The following SATB1 variants were observed in gnomAD, a reference collection of about 807,000 sequenced individuals.
SATB1 encodes the protein SATB homeobox 1.
Under a neutral mutation model 86.9 loss-of-function variants are expected in SATB1, and 11 were observed. The observed-to-expected ratio is 0.13, with a 90% confidence interval of 0.08 to 0.21. The LOEUF (loss-of-function observed/expected upper bound fraction) is 0.21. Ranked by LOEUF, SATB1 falls within the 10% of genes least tolerant of loss-of-function variation. The probability of loss-of-function intolerance (pLI) is 1.00; values close to 1 mark genes in which losing one functional copy is unlikely to be tolerated. For synonymous variants in SATB1, 357 were observed against 357.2 expected (o/e 1.00, Z 0.01); for missense variants, 551 against 937.6 (o/e 0.59, Z 5.39).
At chr3:18,405,095 T>C (rs573318151) in intron 5 of SATB1, among the ~76,000 whole-genome samples, 4 of 152,172 alleles carry the variant, frequency 2.6e-5, no homozygotes, top group Middle Eastern at 3.4e-3. Flanking sequence ...TACGACCCCA[T>C]TGGCATCCTG....
chr3:18,413,746 G>A (rs993608979), intron 5 of SATB1, among the ~76,000 whole-genome samples: 6 of 152,052 alleles, frequency 3.9e-5, no homozygotes, highest in African/African-American at 1.4e-4. Flanking sequence ...TCTCTGAATT[G>A]CAAGAAATGG....
intron 2 of SATB1, among the ~76,000 whole-genome samples, chr3:18,418,215 C>T (rs971654935): frequency 3.3e-5 from 5 of 152,180 alleles, no homozygotes; most frequent in Admixed American, 3.3e-4. Context: ...GTCCTCTGGA[C>T]TCACAGAATC....
In SATB1 at chr3:18,394,528, G is replaced by T; in HGVS notation, c.1140C>A (p.Arg380=). The T allele has an allele frequency of 6.2e-7, 1 of 1,614,128 alleles. No homozygotes were observed. The highest frequency in any genetic ancestry group is 8.5e-7 in the Non-Finnish European group (1 of 1,180,032). ...AGATTCCTGCTCGTTTCAGTTCATC[G>T]CGTACCCACTGGTAGATTTCGGAAG... The part of the protein sequence containing the change: ...EVSSEIYQWV[R]DELKRAGISQ... The change falls in exon 7 of 11, where the codon CGC becomes CGA. Residue 380 remains arginine (R), a synonymous_variant. Coordinates refer to ENST00000338745, the MANE Select transcript of SATB1 (RefSeq NM_002971.6). This position sits in a 1 kb window ranked among gnomAD's most constrained non-coding sequence, Gnocchi z 5.9.
chr3:18,394,927 C>G lies in SATB1; in HGVS notation c.752-11G>C. ...GACTATCCATTTCAACTAAAGTGGACAAAGAGTAAAATCACATTCAGCCAA... is the reference window on the plus strand; with the variant it reads ...GACTATCCATTTCAACTAAAGTGGAGAAAGAGTAAAATCACATTCAGCCAA... On this transcript the variant is annotated splice_polypyrimidine_tract_variant and intron_variant, in intron 6 of 10. Transcript: ENST00000338745. The surrounding 1 kb of genome is among the most constrained non-coding windows in gnomAD (Gnocchi z 5.9). The G allele has an allele frequency of 3.9e-6, 6 of 1,548,338 alleles. No homozygotes were observed. The highest frequency in any genetic ancestry group is 5.2e-6 in the Non-Finnish European group (6 of 1,146,382).
intron 5 of SATB1, among the ~76,000 whole-genome samples, chr3:18,398,016 T>G (rs949699040): frequency 6.6e-6 from 1 of 152,190 alleles, no homozygotes; most frequent in African/African-American, 2.4e-5. Flanking sequence ...AGCTTAAGTT[T>G]TGAATTTCAA....
At position 18,352,202 on chromosome 3, in the gene SATB1, G is replaced by A; in HGVS notation, c.1576-7C>T. The A allele has an allele frequency of 1.2e-6, 2 of 1,613,762 alleles. No homozygotes were observed. The highest frequency in any genetic ancestry group is 1.7e-6 in the Non-Finnish European group (2 of 1,179,768). On this transcript the variant is annotated splice_polypyrimidine_tract_variant and splice_region_variant and intron_variant, in intron 9 of 10. Coordinates refer to ENST00000338745, the MANE Select transcript of SATB1 (RefSeq NM_002971.6). The surrounding 1 kb of genome is among the most constrained non-coding windows in gnomAD (Gnocchi z 4.1). Reference sequence around the variant, plus strand: ...ACAGCTCGCACAACCATCCCTTAGAGACAAGGGCATAATAGGTCAGTTTGT... The same window carrying A: ...ACAGCTCGCACAACCATCCCTTAGAAACAAGGGCATAATAGGTCAGTTTGT...
chr3:18,349,668 T>G lies in SATB1; in HGVS notation c.1794A>C (p.Gln598His). The change falls in exon 11 of 11, where the codon CAA becomes CAC. Residue 598 changes from glutamine to histidine, a missense_variant. This residue lies in a region of SATB1 where 87 missense variants were observed against 103.6 expected (regional missense o/e 0.84). Transcript: ENST00000338745. This position sits in a 1 kb window ranked among gnomAD's most constrained non-coding sequence, Gnocchi z 5.5. ...PAEQIQQQQQQQQQQQQQQQA... is the reference protein window; with the variant it reads ...PAEQIQQQQQHQQQQQQQQQA... ...GCTGCTGCTGCTGCTGCTGTTGCTG[T>G]TGCTGCTGCTGTTGCTGCAAAGAAA... 1 of 1,606,406 alleles carries G rather than the reference T, an allele frequency of 6.2e-7. No individual in the cohort carries two copies. Among genetic ancestry groups the G allele is most frequent in the Non-Finnish European group, 8.5e-7 (1 of 1,176,790 alleles).
rs55782480 is a variant in SATB1 at position 18,415,186 on chromosome 3, T to C, written c.564A>G (p.Thr188=). Residue 188 remains threonine, a synonymous_variant, in exon 5 of 11, where the codon ACA becomes ACG. Coordinates refer to ENST00000338745, the MANE Select transcript of SATB1 (RefSeq NM_002971.6). The part of the protein sequence containing the change: ...DLPPEQWSHT[T]VRNALKDLLK... ...GTAAGTCCTTCAGAGCATTCCTCAC[T>C]GTGGTGTGCGACCATTGTTCGGGAG... 85 of 1,613,056 alleles carry C rather than the reference T, an allele frequency of 5.3e-5. No homozygotes were observed. The highest frequency in any genetic ancestry group is 6.9e-5 in the Non-Finnish European group (81 of 1,179,264).
At chr3:18,413,684 G>A (rs1697980767) in intron 5 of SATB1, among the ~76,000 whole-genome samples, 1 of 152,028 alleles carries the variant, frequency 6.6e-6, no homozygotes, top group African/African-American at 2.4e-5. Flanking sequence ...GGGTGAGAGA[G>A]GGAAGACAGG....
chr3:18,392,843 T>C (rs1696755730), intron 7 of SATB1, among the ~76,000 whole-genome samples: 1 of 152,028 alleles, frequency 6.6e-6, no homozygotes, highest in African/African-American at 2.4e-5. Flanking sequence ...ATAGGTGTCA[T>C]ATTAAGTTCA....
At chr3:18,392,529 C>T (rs1170368772) in intron 7 of SATB1, among the ~76,000 whole-genome samples, 1 of 151,666 alleles carries the variant, frequency 6.6e-6, no homozygotes, top group East Asian at 1.9e-4. Context: ...TTTAAGACAC[C>T]AGTAACTATA....
At position 18,349,640 on chromosome 3, in the gene SATB1, C is replaced by T. The variant is rs1559385752; in HGVS notation, c.1822G>A (p.Ala608Thr). Residue 608 changes from alanine to threonine, a missense_variant, in exon 11 of 11, where the codon GCA (alanine) becomes ACA (threonine). Ala to Thr is a moderately conservative substitution (Grantham distance 58). Around this residue, in one of 8 missense-constraint regions of SATB1, gnomAD observed 87 missense variants for 103.6 expected, o/e 0.84. Coordinates refer to ENST00000338745, the MANE Select transcript of SATB1 (RefSeq NM_002971.6). This position sits in a 1 kb window ranked among gnomAD's most constrained non-coding sequence, Gnocchi z 5.5. ...QQQQQQQQQQ[A>T]PPPPQPQQQP... ...TGCTGTGGCTGTGGAGGCGGCGGTGCCTGCTGCTGCTGCTGCTGCTGTTGC... is the reference window on the plus strand; with the variant it reads ...TGCTGTGGCTGTGGAGGCGGCGGTGTCTGCTGCTGCTGCTGCTGCTGTTGC... 1.2e-6 allele frequency: 2 copies of T among 1,609,544 alleles called. No individual in the cohort carries two copies. The highest frequency in any genetic ancestry group is 1.3e-5 in the African/African-American group (1 of 74,736).
chr3:18,404,023 C>T (rs1697398306), intron 5 of SATB1, among the ~76,000 whole-genome samples: 1 of 151,996 alleles, frequency 6.6e-6, no homozygotes, highest in African/African-American at 2.4e-5. Context: ...ACAATTTTCA[C>T]AGGGATTCCT....
chr3:18,405,138 CTT>C (rs1697457947), intron 5 of SATB1, among the ~76,000 whole-genome samples: 1 of 152,000 alleles, frequency 6.6e-6, no homozygotes, highest in African/African-American at 2.4e-5. Flanking sequence ...TCATTATTAA[CTT>C]ATATATTATG....
At chr3:18,362,023 G>A (rs2125148666) in intron 9 of SATB1, among the ~76,000 whole-genome samples, 1 of 152,070 alleles carries the variant, frequency 6.6e-6, no homozygotes. Context: ...TATTAGTTTT[G>A]TAATAAAAAT....
At chr3:18,387,952 C>T (rs916184196) in intron 7 of SATB1, among the ~76,000 whole-genome samples, 8 of 152,040 alleles carry the variant, frequency 5.3e-5, no homozygotes, top group African/African-American at 1.9e-4. Context: ...GCAGACAATA[C>T]AAAAGTACTG....
Position 18,424,972 on chromosome 3 carries a change from G to C in SATB1, c.-1370C>G, listed in dbSNP as rs897592320. On this transcript the variant is annotated 5_prime_UTR_variant, in exon 1 of 11. Transcript: ENST00000338745. ...GCGTGAGTGTGAGCGCGAGTCCCCG[G>C]ACGGGGCTGCTTCTCTCGCTCTCTC... 1.9e-5 allele frequency: 3 copies of C among 155,224 alleles called. No individual in the cohort carries two copies. The highest frequency in any genetic ancestry group is 4.3e-5 in the Non-Finnish European group (3 of 70,114). 9.6% of individuals were successfully genotyped at this position (155,224 alleles called of 1,614,324 possible).
intron 9 of SATB1, among the ~76,000 whole-genome samples, chr3:18,360,549 A>G (rs138812070): frequency 2.0e-5 from 3 of 152,084 alleles, no homozygotes; most frequent in African/African-American, 7.2e-5. Context: ...TGCCCATTCA[A>G]ATACTACTTG....
At chr3:18,391,633 G>GT (rs1696680387) in intron 7 of SATB1, among the ~76,000 whole-genome samples, 1 of 149,890 alleles carries the variant, frequency 6.7e-6, no homozygotes, top group South Asian at 2.1e-4. Context: ...GCGGTGTTTG[G>GT]TTTTTTAATG....
Sources: allele counts gnomAD v4.1 joint callset (sites outside exome capture counted in the v4.1 genomes callset), GRCh38; gene constraint gnomAD v4.1.1; regional missense constraint gnomAD v4.1.1; non-coding constraint Gnocchi (gnomAD v3.1); transcripts MANE v1.5; gene names NCBI Gene and HGNC (gene_info 2026-07-23, HGNC 2026-07-21).